PCDH11X: variants seen among roughly 807,000 people sequenced by gnomAD.
The protein encoded by PCDH11X is protocadherin 11 X-linked.
In PCDH11X, 18 loss-of-function variants were observed where a neutral mutation model predicts 53.3. That is an observed-to-expected ratio of 0.34 (90% CI 0.23 to 0.50). PCDH11X has a LOEUF of 0.50. PCDH11X is among the 20% of genes least tolerant of loss of function. The pLI, the probability that PCDH11X is intolerant of heterozygous loss-of-function variation, is 0.98. For synonymous variants in PCDH11X, 279 were observed against 393.3 expected, an observed-to-expected ratio of 0.71 and a Z score of 3.44; for missense variants, 570 against 1,032.4, an observed-to-expected ratio of 0.55 and a Z score of 6.14.
intron 6 of PCDH11X, among the ~76,000 whole-genome samples, chrX:92,100,823 A>G (rs1353657316): frequency 4.5e-5 from 5 of 110,981 alleles, no homozygotes; most frequent in East Asian, 2.8e-4. Context: ...GATCAGGGGC[A>G]GTGTGGGAAC....
Position 91,927,736 on chromosome X carries a change from C to T in PCDH11X, c.3033+48463C>T, listed in dbSNP as rs1941995239. ...TCTATTGTAACTTTTCTGAGAAGTT[C>T]CCCCATTGCAGAAGGCAATGGCAGA... is the stretch of plus-strand genomic sequence containing the variant. On this transcript the variant is annotated intron_variant, in intron 6 of 10. Transcript: ENST00000682573. Among the ~76,000 whole-genome samples the T allele has an allele frequency of 2.7e-5, 3 of 111,135 alleles. No individual in the cohort carries two copies. The South Asian group carries it at 1.1e-3, about 41-fold the overall frequency.
intron 5 of PCDH11X, among the ~76,000 whole-genome samples, chrX:91,837,013 G>A (rs1367690759): frequency 1.9e-5 from 2 of 106,313 alleles, no homozygotes; most frequent in Non-Finnish European, 3.9e-5. Flanking sequence ...ATATGTTCAG[G>A]GGATTTTCAC....
At chrX:92,036,417 C>T (rs1484915914) in intron 6 of PCDH11X, among the ~76,000 whole-genome samples, 3 of 108,291 alleles carry the variant, frequency 2.8e-5, no homozygotes, top group Non-Finnish European at 5.7e-5. Context: ...GGGGGCAGGT[C>T]TTTCCTGCAC....
chrX:92,425,370 T>C (rs1161770521), intron 9 of PCDH11X, among the ~76,000 whole-genome samples: 23 of 108,052 alleles, frequency 2.1e-4, no homozygotes, highest in African/African-American at 7.7e-4. Context: ...GCCAACAAAG[T>C]TCCCTAATAT....
At position 91,921,554 on chromosome X, in the gene PCDH11X, A is replaced by C. The variant is rs188703983; in HGVS notation, c.3033+42281A>C. Among the ~76,000 whole-genome samples the C allele has an allele frequency of 2.8e-3, 300 of 107,528 alleles. 1 individual carries two copies. The highest frequency in any genetic ancestry group is 9.8e-3 in the African/African-American group (288 of 29,510). 93.4% of individuals were successfully genotyped at this position (107,528 alleles called of 115,157 possible). On this transcript the variant is annotated intron_variant, in intron 6 of 10. Transcript: ENST00000682573. ...TTTTCCAGAATGTCATATAGTTAGA[A>C]TCATACAGTATGTAGCCATTTCCAA...
intron 6 of PCDH11X, among the ~76,000 whole-genome samples, chrX:92,161,074 T>G (rs2065634670): frequency 9.0e-6 from 1 of 110,934 alleles, no homozygotes; most frequent in Non-Finnish European, 1.9e-5. Context: ...TATTAGTCCT[T>G]TGTTGTATGT....
At chrX:92,124,136 C>G (rs1602990770) in intron 6 of PCDH11X, among the ~76,000 whole-genome samples, 1 of 111,349 alleles carries the variant, frequency 9.0e-6, no homozygotes, top group Admixed American at 9.7e-5. Flanking sequence ...TTCTGTTGTG[C>G]TACCTTATTC....
intron 9 of PCDH11X, among the ~76,000 whole-genome samples, chrX:92,427,939 A>G (rs183537336): frequency 1.6e-3 from 116 of 74,644 alleles, no homozygotes; most frequent in Middle Eastern, 0.016. Context: ...TAATAATTGT[A>G]ATAGAATTGA....
At chrX:92,230,765 G>T (rs2067061996) in intron 7 of PCDH11X, among the ~76,000 whole-genome samples, 1 of 107,344 alleles carries the variant, frequency 9.3e-6, no homozygotes, top group Non-Finnish European at 1.9e-5. Context: ...ACCACGGAAA[G>T]AGGTTGCTAA....
At chrX:92,417,507 A>G (rs1222704334) in intron 9 of PCDH11X, among the ~76,000 whole-genome samples, 5 of 111,353 alleles carry the variant, frequency 4.5e-5, no homozygotes, top group African/African-American at 6.5e-5. Flanking sequence ...ATTACTTACA[A>G]TAGTGAAATA....
chrX:92,038,152 C>T (rs2063156140), intron 6 of PCDH11X, among the ~76,000 whole-genome samples: 1 of 111,096 alleles, frequency 9.0e-6, no homozygotes, highest in Non-Finnish European at 1.9e-5. Flanking sequence ...ATCTCATTTT[C>T]TGAGGAGAAA....
rs564061062 is a variant in PCDH11X, at chrX:91,845,995, A to G, written c.540+9951A>G. 1.1e-3 allele frequency among the ~76,000 whole-genome samples: 126 copies of G among 111,292 alleles called. No individual in the cohort carries two copies. In the South Asian group the frequency reaches 0.046, roughly 41 times the overall value. ...AAATTTTTCTCCAACTGTTTTGTGG[A>G]TGTTTTGTAAATTGTAATCTCATTG... On this transcript the variant is annotated intron_variant, in intron 5 of 10. Transcript: ENST00000682573.
At chrX:91,818,022 C>T (rs1396442752) in intron 4 of PCDH11X, among the ~76,000 whole-genome samples, 1 of 111,361 alleles carries the variant, frequency 9.0e-6, no homozygotes, top group Non-Finnish European at 1.9e-5. Context: ...AGTTGGATAT[C>T]TCTGAAAAGA....
chrX:92,269,266 T>G (rs1247975635), intron 8 of PCDH11X, among the ~76,000 whole-genome samples: 1 of 111,900 alleles, frequency 8.9e-6, no homozygotes, highest in Non-Finnish European at 1.9e-5. Flanking sequence ...AGTTTCCAAC[T>G]GTAGATTACC....
intron 9 of PCDH11X, among the ~76,000 whole-genome samples, chrX:92,445,957 A>G (rs1295252116): frequency 1.8e-5 from 2 of 110,960 alleles, no homozygotes; most frequent in African/African-American, 6.5e-5. Context: ...CTTTGATTCC[A>G]TAATAATTCT....
At chrX:92,339,169 A>G (rs2069691295) in intron 8 of PCDH11X, among the ~76,000 whole-genome samples, 1 of 112,251 alleles carries the variant, frequency 8.9e-6, no homozygotes, top group Non-Finnish European at 1.9e-5. Context: ...GCCATGAATA[A>G]ATAACTCCAT....
intron 10 of PCDH11X, among the ~76,000 whole-genome samples, chrX:92,475,160 G>A (rs1183126844): frequency 1.9e-4 from 9 of 47,755 alleles, no homozygotes; most frequent in African/African-American, 8.4e-4. Context: ...GCGAGACTCC[G>A]TCTCAAAAAA....
At chrX:92,430,581 A>G (rs996932863) in intron 9 of PCDH11X, among the ~76,000 whole-genome samples, 16 of 95,216 alleles carry the variant, frequency 1.7e-4, no homozygotes, top group African/African-American at 5.9e-4. Context: ...TGCAACCTCC[A>G]TGAGATCAGT....
At chrX:92,517,138 A>G (rs1158413339) in intron 10 of PCDH11X, among the ~76,000 whole-genome samples, 1 of 111,728 alleles carries the variant, frequency 9.0e-6, no homozygotes, top group Non-Finnish European at 1.9e-5. Flanking sequence ...AGAATAGATA[A>G]CAATAATCTG....
Sources: allele counts gnomAD v4.1 joint callset (sites outside exome capture counted in the v4.1 genomes callset), GRCh38; gene constraint gnomAD v4.1.1; transcripts MANE v1.5; gene names NCBI Gene and HGNC (gene_info 2026-07-23, HGNC 2026-07-21).